GCNT2: variants seen among roughly 807,000 people sequenced by gnomAD.
GCNT2 encodes the protein N-acetyllactosaminide beta-1,6-N-acetylglucosaminyl-transferase.
GCNT2 carries 34 observed loss-of-function variants against 34.2 expected under a neutral mutation model. That is an observed-to-expected ratio of 1.00 (90% CI 0.76 to 1.32). The LOEUF is 1.32. GCNT2 is among the 40% of genes most tolerant of loss of function. The pLI, the probability that GCNT2 is intolerant of heterozygous loss-of-function variation, is 0.00. For synonymous variants in GCNT2, 212 were observed against 188.0 expected, an observed-to-expected ratio of 1.13 and a Z score of -1.04; for missense variants, 584 against 489.4, an observed-to-expected ratio of 1.19 and a Z score of -1.82.
chr6:10,575,055 A>G (rs1763741870), intron 3 of GCNT2: 2 of 602,270 alleles, frequency 3.3e-6, no homozygotes, highest in South Asian at 1.5e-5. Flanking sequence ...CCATTTAGCC[A>G]TGGTAACACT....
chr6:10,628,747 G>A lies in GCNT2; in HGVS notation c.*2140G>A, dbSNP rs571179087. 9 of 152,364 alleles carry A rather than the reference G, an allele frequency of 5.9e-5. No homozygotes were observed. Among genetic ancestry groups the A allele is most frequent in the African/African-American group, 9.6e-5 (4 of 41,470 alleles). The allele number at this position is 152,364 out of a possible 1,614,324, so 9.4% of individuals were successfully genotyped here. On this transcript the variant is annotated 3_prime_UTR_variant, in exon 5 of 5. Coordinates refer to ENST00000495262, the MANE Select transcript of GCNT2 (RefSeq NM_145649.5). ...ACAAGACCTCTGGCTTGGGCCGGGC[G>A]TGGTGGCTCACACCTGTAATCCCAA... is the stretch of plus-strand genomic sequence containing the variant.
intron 3 of GCNT2, among the ~76,000 whole-genome samples, chr6:10,558,960 T>A (rs1189333572): frequency 1.3e-5 from 2 of 152,192 alleles, no homozygotes; most frequent in Non-Finnish European, 2.9e-5. Context: ...ATTCCCTTTC[T>A]ATTTTCATTC....
At position 10,529,614 on chromosome 6, in the gene GCNT2, G is replaced by A; in HGVS notation, c.703G>A (p.Glu235Lys). The change falls in exon 3 of 5, where the codon GAA (glutamate) becomes AAA (lysine). Residue 235 changes from glutamate to lysine, a missense_variant. Physicochemically the swap from Glu to Lys is moderately conservative, Grantham distance 56. Coordinates refer to ENST00000495262, the MANE Select transcript of GCNT2 (RefSeq NM_145649.5). ...TGGACGGACTAAATACGTCCACCAA[G>A]AACTGTTAAACCACAAAAATTCCTA... ...AVGRTKYVHQELLNHKNSYVI... is the reference protein window; with the variant it reads ...AVGRTKYVHQKLLNHKNSYVI... 2 of 1,614,114 alleles carry A rather than the reference G, an allele frequency of 1.2e-6. No homozygotes were observed. The highest frequency in any genetic ancestry group is 1.7e-6 in the Non-Finnish European group (2 of 1,179,966).
At position 10,626,891 on chromosome 6, in the gene GCNT2, A is replaced by G. The variant is rs1766281886; in HGVS notation, c.*284A>G. On this transcript the variant is annotated 3_prime_UTR_variant, in exon 5 of 5. Transcript: ENST00000495262. ...TTGTTAGGATCAATGATAAATTTAA[A>G]TGACCTCAGATCTTTGCACCAGATA... The G allele has an allele frequency of 2.4e-6, 1 of 414,972 alleles. No homozygotes were observed. The highest frequency in any genetic ancestry group is 2.7e-5 in the South Asian group (1 of 37,438). The allele number at this position is 414,972 out of a possible 1,614,324, so 25.7% of individuals were successfully genotyped here. A position where few individuals can be genotyped will look rare whatever the true frequency, so the allele number is the denominator to read the frequency against.
At chr6:10,619,169 AT>A (rs1765921324) in intron 3 of GCNT2, 1 of 152,060 alleles carries the variant, frequency 6.6e-6, no homozygotes, top group Non-Finnish European at 1.5e-5. Context: ...AAAAATATTC[AT>A]TGTCTTAAGT....
chr6:10,558,635 A>G (rs1473388404), intron 3 of GCNT2, among the ~76,000 whole-genome samples: 1 of 152,250 alleles, frequency 6.6e-6, no homozygotes, highest in Non-Finnish European at 1.5e-5. Flanking sequence ...TATTATAGCA[A>G]GAGAAAAGCA....
At chr6:10,570,619 A>T (rs1022353834) in intron 3 of GCNT2, among the ~76,000 whole-genome samples, 2 of 152,148 alleles carry the variant, frequency 1.3e-5, no homozygotes, top group African/African-American at 4.8e-5. Flanking sequence ...ATCTTCACAT[A>T]ACTCTTCCTT....
At chr6:10,574,644 G>C in intron 3 of GCNT2, 1 of 283,582 alleles carries the variant, frequency 3.5e-6, no homozygotes, top group South Asian at 4.4e-5. Flanking sequence ...ATAGACCATG[G>C]GCTAAATCTG....
intron 4 of GCNT2, 84 bp downstream of exon 4, chr6:10,621,527 G>C: frequency 2.4e-6 from 2 of 842,714 alleles, no homozygotes; most frequent in South Asian, 2.8e-5. Flanking sequence ...TTCTCATGGA[G>C]AGAGAATTGC....
At chr6:10,556,964 T>A in intron 3 of GCNT2, 1 of 1,614,068 alleles carries the variant, frequency 6.2e-7, no homozygotes, top group South Asian at 1.1e-5. Flanking sequence ...CTTCGAGGTC[T>A]CATGGAAGTA....
chr6:10,555,411 A>C (rs946430224), intron 3 of GCNT2, among the ~76,000 whole-genome samples: 1 of 152,152 alleles, frequency 6.6e-6, no homozygotes, highest in East Asian at 1.9e-4. Context: ...CCATAAGCTT[A>C]ACTGGGCAGG....
chr6:10,603,857 G>A (rs1175790507), intron 3 of GCNT2, among the ~76,000 whole-genome samples: 2 of 134,328 alleles, frequency 1.5e-5, no homozygotes, highest in African/African-American at 5.4e-5. Context: ...CTATCTTAAG[G>A]TTTTTGTTTG....
chr6:10,573,256 A>C (rs1276174423), intron 3 of GCNT2: 1 of 985,062 alleles, frequency 1.0e-6, no homozygotes, highest in Non-Finnish European at 1.2e-6. Context: ...GAATCAGAGA[A>C]AAGTTGTTGT....
intron 3 of GCNT2, among the ~76,000 whole-genome samples, chr6:10,587,387 A>C (rs986037853): frequency 6.6e-6 from 1 of 152,180 alleles, no homozygotes; most frequent in African/African-American, 2.4e-5. Flanking sequence ...GCTGCTTCGG[A>C]TATTCACAAA....
Position 10,574,862 on chromosome 6 carries a change from C to T in GCNT2, c.925+45026C>T, listed in dbSNP as rs912150949. On this transcript the variant is annotated intron_variant, in intron 3 of 4. Transcript: ENST00000495262. Reference sequence around the variant, plus strand: ...TGGCGCTTCAGTTGAACCCAGGCACCTTTCTCTTTGTCTTCTTTCTTTTTC... The same window carrying T: ...TGGCGCTTCAGTTGAACCCAGGCACTTTTCTCTTTGTCTTCTTTCTTTTTC... The T allele has an allele frequency of 5.8e-6, 4 of 694,466 alleles. No individual in the cohort carries two copies. The Admixed American group carries it at 7.3e-5, about 13-fold the overall frequency. The allele number at this position is 694,466 out of a possible 1,614,324, so 43.0% of individuals were successfully genotyped here.
intron 3 of GCNT2, among the ~76,000 whole-genome samples, chr6:10,530,850 C>T (rs538143350): frequency 1.3e-5 from 2 of 151,790 alleles, no homozygotes; most frequent in Admixed American, 6.6e-5. Context: ...GTCAGGAGTT[C>T]GAGACCAGCC....
At chr6:10,560,689 T>C (rs1762936921) in intron 3 of GCNT2, among the ~76,000 whole-genome samples, 1 of 152,032 alleles carries the variant, frequency 6.6e-6, no homozygotes, top group South Asian at 2.1e-4. Flanking sequence ...CGAGACTGAA[T>C]AGAAGGGATA....
chr6:10,592,893 A>C (rs1302759882), intron 3 of GCNT2, among the ~76,000 whole-genome samples: 2 of 152,004 alleles, frequency 1.3e-5, no homozygotes, highest in Admixed American at 6.5e-5. Flanking sequence ...GGTGTGTGCC[A>C]CCATGCCCAG....
intron 3 of GCNT2, among the ~76,000 whole-genome samples, chr6:10,573,654 G>T (rs1010160700): frequency 6.6e-6 from 1 of 152,198 alleles, no homozygotes; most frequent in Non-Finnish European, 1.5e-5. Flanking sequence ...AAACAGCAGG[G>T]CCAGGTTTAA....
Sources: allele counts gnomAD v4.1 joint callset (sites outside exome capture counted in the v4.1 genomes callset), GRCh38; gene constraint gnomAD v4.1.1; transcripts MANE v1.5; gene names NCBI Gene and HGNC (gene_info 2026-07-23, HGNC 2026-07-21).